The following MECOM variants were observed in gnomAD, a reference collection of about 807,000 sequenced individuals.
MECOM encodes the protein MDS1 and EVI1 complex locus, also known as histone-lysine N-methyltransferase MECOM.
Under a neutral mutation model 116.3 loss-of-function variants are expected in MECOM, and 13 were observed. The ratio of observed to expected loss-of-function variants is 0.11; its 90% CI spans 0.07 to 0.18. The LOEUF is 0.18. MECOM is among the 10% of genes least tolerant of loss of function. The pLI, the probability that MECOM is intolerant of heterozygous loss-of-function variation, is 1.00. For missense variants in MECOM, 1,299 were observed against 1,509.0 expected, an observed-to-expected ratio of 0.86 and a Z score of 2.31; for synonymous variants, 528 against 535.2, an observed-to-expected ratio of 0.99 and a Z score of 0.19.
chr3:169,453,918 A>G (rs1578143487), intron 1 of MECOM, among the ~76,000 whole-genome samples: 1 of 151,230 alleles, frequency 6.6e-6, no homozygotes, highest in Non-Finnish European at 1.5e-5. Context: ...AGCAATGGAT[A>G]ATAAAAAAAA....
intron 2 of MECOM, among the ~76,000 whole-genome samples, chr3:169,212,041 T>C (rs1157532811): frequency 6.6e-6 from 1 of 152,130 alleles, no homozygotes; most frequent in Admixed American, 6.6e-5. Flanking sequence ...TCTATCTGCA[T>C]TCAATCTATC....
chr3:169,099,811 A>C (rs1722928913), intron 12 of MECOM, among the ~76,000 whole-genome samples: 1 of 152,104 alleles, frequency 6.6e-6, no homozygotes, highest in African/African-American at 2.4e-5. Flanking sequence ...AAGGCATTGA[A>C]CATTAAATAA....
At chr3:169,271,012 A>G (rs1010127874) in intron 2 of MECOM, among the ~76,000 whole-genome samples, 1 of 152,232 alleles carries the variant, frequency 6.6e-6, no homozygotes, top group Non-Finnish European at 1.5e-5. Flanking sequence ...AGTGTGAGAT[A>G]CAATTTTCCC....
At chr3:169,183,396 C>T (rs374443179) in intron 2 of MECOM, among the ~76,000 whole-genome samples, 1 of 152,164 alleles carries the variant, frequency 6.6e-6, no homozygotes, top group Non-Finnish European at 1.5e-5. Flanking sequence ...CTAATGCACA[C>T]TTTACTATTG....
chr3:169,383,129 C>T (rs1732759720), intron 1 of MECOM, among the ~76,000 whole-genome samples: 2 of 152,096 alleles, frequency 1.3e-5, no homozygotes, highest in African/African-American at 2.4e-5. Flanking sequence ...CACTCATCAT[C>T]AATTGCCCAT....
intron 1 of MECOM, among the ~76,000 whole-genome samples, chr3:169,542,597 C>T (rs1760225298): frequency 6.6e-6 from 1 of 152,192 alleles, no homozygotes; most frequent in Non-Finnish European, 1.5e-5. Flanking sequence ...TAGCCCCTGA[C>T]TTCTTTTTTA....
chr3:169,330,482 T>C (rs1271116034), intron 2 of MECOM, among the ~76,000 whole-genome samples: 2 of 152,096 alleles, frequency 1.3e-5, no homozygotes, highest in Admixed American at 6.5e-5. Flanking sequence ...CACAGTAGAA[T>C]TCACAGAAAA....
chr3:169,115,846 T>C lies in MECOM; in HGVS notation c.2026A>G (p.Thr676Ala), dbSNP rs1328093292. Reference sequence around the variant, plus strand: ...TTGTCTTGCAGCCCCACCAGTCCTGTTGAACCAAAGTATTTTTCAGCAATA... The same window carrying C: ...TTGTCTTGCAGCCCCACCAGTCCTGCTGAACCAAAGTATTTTTCAGCAATA... ...ASIAEKYFGS[T>A]GLVGLQDKKV... The change falls in exon 8 of 17, where the codon ACA becomes GCA. Residue 676 changes from threonine to alanine, a missense_variant. Transcript: ENST00000651503. The C allele has an allele frequency of 1.2e-6, 2 of 1,614,040 alleles. No individual in the cohort carries two copies. Among genetic ancestry groups the C allele is most frequent in the South Asian group, 2.2e-5 (2 of 91,082 alleles).
At chr3:169,277,002 A>T (rs1402338896) in intron 2 of MECOM, among the ~76,000 whole-genome samples, 1 of 120,584 alleles carries the variant, frequency 8.3e-6, no homozygotes, top group Non-Finnish European at 1.6e-5. Context: ...TATGTTACAC[A>T]CACACACACA....
intron 2 of MECOM, among the ~76,000 whole-genome samples, chr3:169,220,712 T>C (rs1053193013): frequency 1.3e-5 from 2 of 152,152 alleles, no homozygotes; most frequent in East Asian, 1.9e-4. Context: ...TGACATCAGG[T>C]GATCCACCCA....
At chr3:169,197,436 G>T (rs1748578160) in intron 2 of MECOM, among the ~76,000 whole-genome samples, 1 of 151,962 alleles carries the variant, frequency 6.6e-6, no homozygotes. Flanking sequence ...ACTTTGGTTG[G>T]TGTCTGCTCA....
intron 1 of MECOM, among the ~76,000 whole-genome samples, chr3:169,468,645 T>C (rs541541120): frequency 8.5e-4 from 130 of 152,326 alleles, no homozygotes; most frequent in Admixed American, 1.2e-3. Flanking sequence ...TCAAATGATA[T>C]AACAAATATT....
At chr3:169,110,009 G>A (rs1234692118) in intron 9 of MECOM, among the ~76,000 whole-genome samples, 2 of 152,036 alleles carry the variant, frequency 1.3e-5, no homozygotes, top group East Asian at 3.9e-4. Flanking sequence ...CCAAGAAATA[G>A]GGCAGATATT....
At chr3:169,381,653 AT>A in intron 1 of MECOM, 129 bp from the exon 2 acceptor site, 1 of 718,052 alleles carries the variant, frequency 1.4e-6, no homozygotes, top group South Asian at 2.1e-5. Context: ...ATGTGCCTTC[AT>A]TAAAATCTTT....
At chr3:169,174,842 T>G (rs1303286969) in intron 2 of MECOM, among the ~76,000 whole-genome samples, 1 of 152,132 alleles carries the variant, frequency 6.6e-6, no homozygotes, top group East Asian at 1.9e-4. Flanking sequence ...ACCACATTAC[T>G]CAAATGACCA....
chr3:169,380,310 T>C (rs563992154), intron 2 of MECOM, among the ~76,000 whole-genome samples: 4 of 152,236 alleles, frequency 2.6e-5, no homozygotes, highest in African/African-American at 7.2e-5. Context: ...CTACAAGTTT[T>C]TCAGATAGAA....
intron 2 of MECOM, among the ~76,000 whole-genome samples, chr3:169,286,131 T>C (rs938447731): frequency 1.3e-5 from 2 of 152,192 alleles, no homozygotes; most frequent in Non-Finnish European, 2.9e-5. Flanking sequence ...CACAGTGAAA[T>C]TCACTTCGAA....
intron 2 of MECOM, among the ~76,000 whole-genome samples, chr3:169,346,235 C>A (rs997443462): frequency 6.6e-6 from 1 of 152,062 alleles, no homozygotes; most frequent in Non-Finnish European, 1.5e-5. Flanking sequence ...CTCATAACAA[C>A]CTAATTGCCT....
At chr3:169,466,842 A>G (rs1243059076) in intron 1 of MECOM, among the ~76,000 whole-genome samples, 1 of 152,188 alleles carries the variant, frequency 6.6e-6, no homozygotes, top group African/African-American at 2.4e-5. Flanking sequence ...ATCAATCCTA[A>G]TTATTCAATT....
Sources: gnomAD v4.1 joint callset for allele counts (sites outside exome capture counted in the v4.1 genomes callset) on GRCh38, gnomAD v4.1.1 for gene constraint, MANE v1.5 for transcripts, NCBI Gene and HGNC (gene_info 2026-07-23, HGNC 2026-07-21) for gene names.